PCSK2: variants seen among roughly 807,000 people sequenced by gnomAD.
PCSK2 encodes the protein proprotein convertase subtilisin/kexin type 2.
A neutral mutation model predicts 69.7 loss-of-function variants in PCSK2; 14 were observed. The ratio of observed to expected loss-of-function variants is 0.20; its 90% CI spans 0.13 to 0.31. The LOEUF (loss-of-function observed/expected upper bound fraction) is 0.31, where lower values mean the gene tolerates loss of function less well. Ranked by LOEUF, PCSK2 falls within the 10% of genes least tolerant of loss-of-function variation. The pLI is 1.00. For missense variants in PCSK2, 544 were observed against 842.5 expected, an observed-to-expected ratio of 0.65 and a Z score of 4.39; for synonymous variants, 307 against 320.7, an observed-to-expected ratio of 0.96 and a Z score of 0.46.
In PCSK2 at chr20:17,227,393, T is replaced by C. The variant is rs1358160374; in HGVS notation, c.88T>C (p.Phe30Leu). 7 of 1,613,850 alleles carry C rather than the reference T, an allele frequency of 4.3e-6. No homozygotes were observed. The highest frequency in any genetic ancestry group is 3.3e-4 in the Middle Eastern group (2 of 6,060). ...MVFASAERPV[F>L]TNHFLVELHK... ...TTTTGCATCTGCTGAGCGACCGGTCTTCACGAATCATTTTCTTGTGGAGTT... is the reference window on the plus strand; with the variant it reads ...TTTTGCATCTGCTGAGCGACCGGTCCTCACGAATCATTTTCTTGTGGAGTT... Residue 30 changes from phenylalanine to leucine, a missense_variant, in exon 1 of 12, where the codon TTC becomes CTC. Coordinates refer to ENST00000262545, the MANE Select transcript of PCSK2 (RefSeq NM_002594.5).
At chr20:17,270,985 C>G (rs1045066911) in intron 2 of PCSK2, among the ~76,000 whole-genome samples, 3 of 152,124 alleles carry the variant, frequency 2.0e-5, no homozygotes, top group African/African-American at 7.2e-5. Flanking sequence ...GGTCCTAAAT[C>G]TGAGATTCCA....
At chr20:17,373,775 A>C (rs1217104490) in intron 5 of PCSK2, among the ~76,000 whole-genome samples, 1 of 152,238 alleles carries the variant, frequency 6.6e-6, no homozygotes, top group African/African-American at 2.4e-5. Context: ...TATTCCCATT[A>C]AACTAAGAAT....
At chr20:17,472,335 C>T (rs960765650) in intron 11 of PCSK2, among the ~76,000 whole-genome samples, 1 of 152,184 alleles carries the variant, frequency 6.6e-6, no homozygotes, top group Admixed American at 6.5e-5. Context: ...AGCGTGTGCT[C>T]GGCCCTGTGC....
At chr20:17,371,254 T>C (rs1270351993) in intron 5 of PCSK2, among the ~76,000 whole-genome samples, 1 of 152,158 alleles carries the variant, frequency 6.6e-6, no homozygotes, top group Non-Finnish European at 1.5e-5. Flanking sequence ...GCCCAGGCAG[T>C]TCCTGTCAGG....
intron 2 of PCSK2, among the ~76,000 whole-genome samples, chr20:17,346,604 A>G (rs1000550419): frequency 1.2e-4 from 18 of 152,172 alleles, no homozygotes; most frequent in Non-Finnish European, 1.2e-4. Flanking sequence ...CTGCACTTAC[A>G]TCTCAGGAGA....
chr20:17,435,061 T>C (rs1271603236), intron 7 of PCSK2, among the ~76,000 whole-genome samples: 2 of 152,206 alleles, frequency 1.3e-5, no homozygotes, highest in Non-Finnish European at 2.9e-5. Flanking sequence ...ATAATCTTCC[T>C]CCAGGAGAAA....
At position 17,318,896 on chromosome 20, in the gene PCSK2, G is replaced by C. The variant is rs60350997; in HGVS notation, c.283-39431G>C. ...CACACAATCAGAACAGCCAGAGCAG[G>C]ATTATTCAATTCAGCTGCAATCAGA... On this transcript the variant is annotated intron_variant, in intron 2 of 11. Transcript: ENST00000262545. Among the ~76,000 whole-genome samples the C allele has an allele frequency of 0.017, 2,664 of 152,274 alleles. 243 individuals carry two copies. In the East Asian group the frequency reaches 0.28, roughly 16 times the overall value.
chr20:17,259,798 G>A (rs1246226216), intron 1 of PCSK2, among the ~76,000 whole-genome samples: 4 of 152,162 alleles, frequency 2.6e-5, no homozygotes, highest in Non-Finnish European at 5.9e-5. Flanking sequence ...ACAGACAGTT[G>A]AAGATCTGTC....
chr20:17,465,318 G>A lies in PCSK2; in HGVS notation c.1203-8G>A, dbSNP rs750635655. The A allele has an allele frequency of 7.4e-6, 12 of 1,610,908 alleles. No homozygotes were observed. The highest frequency in any genetic ancestry group is 1.0e-5 in the Non-Finnish European group (12 of 1,177,512). ...CTTGCCCTCTTGCTCTCTGCTTCCT[G>A]TATCCAGCCTGGGTCTGACCTGGCG... On this transcript the variant is annotated splice_region_variant and splice_polypyrimidine_tract_variant and intron_variant, in intron 10 of 11. Transcript: ENST00000262545.
At chr20:17,432,364 C>G (rs1051972915) in intron 7 of PCSK2, among the ~76,000 whole-genome samples, 10 of 152,050 alleles carry the variant, frequency 6.6e-5, no homozygotes, top group Non-Finnish European at 1.0e-4. Context: ...CATGTAGACC[C>G]GCACATACGG....
intron 1 of PCSK2, among the ~76,000 whole-genome samples, chr20:17,232,190 T>G (rs988374046): frequency 3.3e-5 from 5 of 152,190 alleles, no homozygotes; most frequent in African/African-American, 1.2e-4. Context: ...ATAGGGCATG[T>G]ACATCAGGGA....
intron 6 of PCSK2, among the ~76,000 whole-genome samples, chr20:17,427,239 C>T (rs2123333758): frequency 6.6e-6 from 1 of 152,262 alleles, no homozygotes; most frequent in Middle Eastern, 3.4e-3. Context: ...ATTCATATTG[C>T]TGGATATATC....
At chr20:17,415,031 T>C (rs923077980) in intron 6 of PCSK2, among the ~76,000 whole-genome samples, 22 of 152,206 alleles carry the variant, frequency 1.4e-4, no homozygotes, top group Non-Finnish European at 4.4e-5. Context: ...TGATGAAATG[T>C]ATCTCAAAAT....
intron 7 of PCSK2, among the ~76,000 whole-genome samples, chr20:17,430,702 G>A (rs916950425): frequency 6.6e-6 from 1 of 152,198 alleles, no homozygotes; most frequent in African/African-American, 2.4e-5. Context: ...GAGCTCAGGG[G>A]AAAGAATATC....
At chr20:17,364,676 G>C (rs1600523819) in intron 4 of PCSK2, among the ~76,000 whole-genome samples, 1 of 152,328 alleles carries the variant, frequency 6.6e-6, no homozygotes, top group African/African-American at 2.4e-5. Flanking sequence ...GGAGGACACA[G>C]CCAAACCATA....
intron 2 of PCSK2, among the ~76,000 whole-genome samples, chr20:17,309,163 G>A (rs1989424637): frequency 6.6e-6 from 1 of 152,180 alleles, no homozygotes; most frequent in Non-Finnish European, 1.5e-5. Context: ...CTGTACTGAT[G>A]AAGCCATGGA....
chr20:17,475,773 C>T (rs761015), intron 11 of PCSK2, among the ~76,000 whole-genome samples: 101,673 of 152,056 alleles, frequency 0.67, 34,011 homozygotes, highest in Non-Finnish European at 0.69. Context: ...TAATAGTGAC[C>T]ACTGCACTTG....
At chr20:17,477,515 A>G (rs1295070483) in intron 11 of PCSK2, among the ~76,000 whole-genome samples, 2 of 152,204 alleles carry the variant, frequency 1.3e-5, no homozygotes, top group South Asian at 4.1e-4. Flanking sequence ...TCAAGGGCAC[A>G]AAAGCCAGCA....
At chr20:17,436,909 C>T (rs748171432) in intron 8 of PCSK2, 26 bp downstream of exon 8, 68 of 1,565,628 alleles carry the variant, frequency 4.3e-5, no homozygotes, top group Non-Finnish European at 5.5e-5. Context: ...CCCTAGGCCC[C>T]GGCCACTCAC....
Sources: gnomAD v4.1 joint callset for allele counts (sites outside exome capture counted in the v4.1 genomes callset) on GRCh38, gnomAD v4.1.1 for gene constraint, MANE v1.5 for transcripts, NCBI Gene and HGNC (gene_info 2026-07-23, HGNC 2026-07-21) for gene names.